WWOX: variants seen among roughly 807,000 people sequenced by gnomAD.
WWOX encodes WW domain-containing oxidoreductase.
WWOX carries 69 observed loss-of-function variants against 46.2 expected under a neutral mutation model. That is an observed-to-expected ratio of 1.49 (90% CI 1.23 to 1.82). WWOX has a LOEUF of 1.82. Among genes scored for constraint, WWOX ranks in the 40% most tolerant of loss-of-function variants. The pLI is 0.00. For missense variants in WWOX, 919 were observed against 542.6 expected, an observed-to-expected ratio of 1.69 and a Z score of -6.89; for synonymous variants, 359 against 202.6, an observed-to-expected ratio of 1.77 and a Z score of -6.56.
chr16:79,196,612 C>T (rs1034991337), intron 8 of WWOX: 1 of 152,214 alleles, frequency 6.6e-6, no homozygotes. Context: ...TCTCCTGATA[C>T]TCCACATACC....
At chr16:78,531,046 C>T (rs1481169041) in intron 8 of WWOX, among the ~76,000 whole-genome samples, 1 of 152,084 alleles carries the variant, frequency 6.6e-6, no homozygotes, top group Non-Finnish European at 1.5e-5. Flanking sequence ...ATTAACTGTC[C>T]TTGTTTTATT....
At chr16:78,180,551 G>A (rs567160672) in intron 5 of WWOX, among the ~76,000 whole-genome samples, 105 of 151,820 alleles carry the variant, frequency 6.9e-4, no homozygotes, top group African/African-American at 2.5e-3. Flanking sequence ...AGGGCTAGTG[G>A]GTAAACCCAG....
chr16:78,370,791 G>T (rs68142009), intron 5 of WWOX, among the ~76,000 whole-genome samples: 2,088 of 11,528 alleles, frequency 0.18, 38 homozygotes, highest in Non-Finnish European at 0.24. Context: ...TTTTTTTTGG[G>T]GGGGGGGGGG....
chr16:78,894,035 A>ATTATTATTATTG (rs2044648591), intron 8 of WWOX, among the ~76,000 whole-genome samples: 1 of 146,050 alleles, frequency 6.8e-6, no homozygotes, highest in Non-Finnish European at 1.5e-5. Flanking sequence ...TATTATTATT[A>ATTATTATTATTG]TTATTATTAT....
At chr16:78,633,038 G>T (rs1247520179) in intron 8 of WWOX, among the ~76,000 whole-genome samples, 1 of 152,056 alleles carries the variant, frequency 6.6e-6, no homozygotes, top group Non-Finnish European at 1.5e-5. Context: ...TGAGGTGGGT[G>T]GATCACTTGA....
intron 8 of WWOX, among the ~76,000 whole-genome samples, chr16:78,568,305 C>G (rs2044624663): frequency 6.6e-6 from 1 of 151,996 alleles, no homozygotes; most frequent in South Asian, 2.1e-4. Flanking sequence ...CTTATCATTA[C>G]TTTGTCCCTC....
At chr16:78,449,022 T>C (rs1597100448) in intron 8 of WWOX, among the ~76,000 whole-genome samples, 1 of 152,182 alleles carries the variant, frequency 6.6e-6, no homozygotes, top group South Asian at 2.1e-4. Context: ...AGCAGTGTTA[T>C]TACAGGGTAG....
intron 5 of WWOX, among the ~76,000 whole-genome samples, chr16:78,183,439 G>A (rs894174432): frequency 6.6e-6 from 1 of 152,210 alleles, no homozygotes; most frequent in South Asian, 2.1e-4. Flanking sequence ...TAGTGGTTGA[G>A]AACATGGATT....
Position 78,350,008 on chromosome 16 carries a change from A to G in WWOX, c.517-36852A>G, listed in dbSNP as rs1488694580. ...TTTGTACACTCTTAAGCCAAATAAC[A>G]TCGTACTGTGTATTATTCTCTAGTA... On this transcript the variant is annotated intron_variant, in intron 5 of 8. Transcript: ENST00000566780. 1.6e-5 allele frequency among the ~76,000 whole-genome samples: 2 copies of G among 121,370 alleles called. 1 individual carries two copies. Among genetic ancestry groups the G allele is most frequent in the Non-Finnish European group, 3.9e-5 (2 of 50,810 alleles). 79.6% of individuals were successfully genotyped at this position (121,370 alleles called of 152,430 possible).
intron 8 of WWOX, among the ~76,000 whole-genome samples, chr16:78,494,857 T>C (rs1259529667): frequency 1.3e-5 from 2 of 152,178 alleles, no homozygotes; most frequent in East Asian, 3.9e-4. Flanking sequence ...AAGAGGCTGA[T>C]GTTCATCGCA....
intron 8 of WWOX, among the ~76,000 whole-genome samples, chr16:78,928,544 A>G (rs1028540239): frequency 6.6e-6 from 1 of 152,152 alleles, no homozygotes; most frequent in Non-Finnish European, 1.5e-5. Flanking sequence ...TCTGAAGTGA[A>G]TACTGATTTT....
intron 8 of WWOX, among the ~76,000 whole-genome samples, chr16:79,026,340 A>G (rs2047641518): frequency 1.3e-5 from 2 of 151,472 alleles, no homozygotes; most frequent in South Asian, 2.1e-4. Context: ...CTTCACCTTC[A>G]TTAGGTTATC....
At position 78,923,898 on chromosome 16, in the gene WWOX, C is replaced by G. The variant is rs1412112859; in HGVS notation, c.1057-287710C>G. On this transcript the variant is annotated intron_variant, in intron 8 of 8. Coordinates refer to ENST00000566780, the MANE Select transcript of WWOX (RefSeq NM_016373.4). ...CACTGCAACCTCCGCCTCCTGGGTT[C>G]ATGCCATTCTCCTGCCTCAGCCTCC... Among the ~76,000 whole-genome samples the G allele has an allele frequency of 4.2e-5, 6 of 144,210 alleles. No homozygotes were observed. In the East Asian group the frequency reaches 1.1e-3, roughly 26 times the overall value. 94.6% of individuals were successfully genotyped at this position (144,210 alleles called of 152,430 possible). A position where few individuals can be genotyped will look rare whatever the true frequency, so the allele number is the denominator to read the frequency against.
At chr16:79,091,816 C>G (rs2048967405) in intron 8 of WWOX, among the ~76,000 whole-genome samples, 1 of 124,910 alleles carries the variant, frequency 8.0e-6, no homozygotes. Flanking sequence ...GAGTCTAGCT[C>G]TGTCACCAGG....
chr16:78,869,489 C>A (rs146732046), intron 8 of WWOX, among the ~76,000 whole-genome samples: 3 of 152,208 alleles, frequency 2.0e-5, no homozygotes, highest in African/African-American at 7.2e-5. Flanking sequence ...CCAGCTCATC[C>A]GGTAACAATT....
chr16:78,566,124 C>G lies in WWOX; in HGVS notation c.1056+133372C>G, dbSNP rs922984653. Among the ~76,000 whole-genome samples, 4 of 152,088 alleles carry G rather than the reference C, an allele frequency of 2.6e-5. No homozygotes were observed. The South Asian group carries it at 8.3e-4, about 32-fold the overall frequency. On this transcript the variant is annotated intron_variant, in intron 8 of 8. Transcript: ENST00000566780. Reference sequence around the variant, plus strand: ...CCAGATGGATGCCTTTGTGTGTCCTCTCATGGCAGAGAGAGGAAGGGGTCT... The same window carrying G: ...CCAGATGGATGCCTTTGTGTGTCCTGTCATGGCAGAGAGAGGAAGGGGTCT...
At chr16:78,943,591 C>G (rs1028384613) in intron 8 of WWOX, among the ~76,000 whole-genome samples, 5 of 152,122 alleles carry the variant, frequency 3.3e-5, no homozygotes, top group African/African-American at 7.2e-5. Context: ...GGGAAACAAA[C>G]AAAATAGAGG....
At chr16:78,113,956 A>G (rs1255418188) in intron 3 of WWOX, among the ~76,000 whole-genome samples, 1 of 144,952 alleles carries the variant, frequency 6.9e-6, no homozygotes, top group Non-Finnish European at 1.5e-5. Context: ...AAAATATGAA[A>G]TTTCATCTAT....
intron 5 of WWOX, among the ~76,000 whole-genome samples, chr16:78,215,178 T>C (rs1439876131): frequency 6.6e-6 from 1 of 152,186 alleles, no homozygotes; most frequent in African/African-American, 2.4e-5. Context: ...ATGGGTCATT[T>C]TCTTCCCCAT....
Sources: allele counts gnomAD v4.1 joint callset (sites outside exome capture counted in the v4.1 genomes callset), GRCh38; gene constraint gnomAD v4.1.1; transcripts MANE v1.5; gene names NCBI Gene and HGNC (gene_info 2026-07-23, HGNC 2026-07-21).